Variants in ADAMTS2 observed in about 807,000 individuals in gnomAD.
ADAMTS2 encodes the protein A disintegrin and metalloproteinase with thrombospondin motifs 2.
A neutral mutation model predicts 123.0 loss-of-function variants in ADAMTS2; 50 were observed. That is an observed-to-expected ratio of 0.41 (90% confidence interval 0.32 to 0.51). The LOEUF (loss-of-function observed/expected upper bound fraction) is 0.51, where lower values mean the gene tolerates loss of function less well. Ranked by LOEUF, ADAMTS2 falls within the 20% of genes least tolerant of loss-of-function variation. ADAMTS2 has a pLI of 0.35. For missense variants in ADAMTS2, 1,494 were observed against 1,705.2 expected (o/e 0.88, Z 2.18); for synonymous variants, 678 against 695.4 (o/e 0.98, Z 0.39).
chr5:179,221,521 G>A (rs962508400), intron 3 of ADAMTS2, among the ~76,000 whole-genome samples: 6 of 152,154 alleles, frequency 3.9e-5, no homozygotes, highest in Non-Finnish European at 7.4e-5. Flanking sequence ...AGGAGTGACC[G>A]AGGACAACCC....
rs552186244 is a variant in ADAMTS2 at position 179,254,603 on chromosome 5, CG to C, written c.688+18307del. On this transcript the variant is annotated intron_variant, in intron 3 of 21. Transcript: ENST00000251582. Reference sequence around the variant, plus strand: ...CAGAAGAGGCCCAGATGGGTGAAGTCGGGGGGGCGTGCAGATTAAGCCCACA... The same window carrying C: ...CAGAAGAGGCCCAGATGGGTGAAGTCGGGGGGCGTGCAGATTAAGCCCACA... 2.8e-3 allele frequency among the ~76,000 whole-genome samples: 428 copies of C among 152,114 alleles called. 2 individuals carry two copies. The highest frequency in any genetic ancestry group is 9.4e-3 in the African/African-American group (391 of 41,494).
intron 18 of ADAMTS2, among the ~76,000 whole-genome samples, chr5:179,125,678 G>T (rs1311951632): frequency 1.3e-5 from 2 of 152,236 alleles, no homozygotes; most frequent in African/African-American, 4.8e-5. Flanking sequence ...CCCAGGGCCT[G>T]AACGTCAAAG....
chr5:179,287,521 G>T (rs1036331629), intron 2 of ADAMTS2, among the ~76,000 whole-genome samples: 1 of 152,214 alleles, frequency 6.6e-6, no homozygotes, highest in Admixed American at 6.5e-5. Context: ...TAAGGCTCCC[G>T]TGTGGGGGCA....
chr5:179,207,012 T>C (rs564063043), intron 4 of ADAMTS2, among the ~76,000 whole-genome samples: 3 of 152,312 alleles, frequency 2.0e-5, no homozygotes, highest in East Asian at 3.9e-4. Context: ...CTCGCTCTAA[T>C]GCACGTGAAT....
intron 2 of ADAMTS2, among the ~76,000 whole-genome samples, chr5:179,320,518 C>G (rs1757138940): frequency 6.7e-6 from 1 of 150,160 alleles, no homozygotes; most frequent in South Asian, 2.1e-4. Context: ...CGAGGTTTCA[C>G]CATTTTAGCC....
chr5:179,150,106 T>C (rs1005712773), intron 10 of ADAMTS2, among the ~76,000 whole-genome samples: 30 of 144,610 alleles, frequency 2.1e-4, no homozygotes, highest in African/African-American at 7.4e-4. Flanking sequence ...CACACACACA[T>C]ATGGGGGCCC....
chr5:179,125,538 T>A (rs1762838951), intron 18 of ADAMTS2, among the ~76,000 whole-genome samples: 1 of 152,094 alleles, frequency 6.6e-6, no homozygotes, highest in African/African-American at 2.4e-5. Flanking sequence ...ACGTCACAAA[T>A]CCTTCTCGGC....
chr5:179,315,975 C>G (rs1399235029), intron 2 of ADAMTS2, among the ~76,000 whole-genome samples: 1 of 152,152 alleles, frequency 6.6e-6, no homozygotes, highest in Non-Finnish European at 1.5e-5. Flanking sequence ...ATGAAAGATT[C>G]CAGCATGGAT....
intron 2 of ADAMTS2, among the ~76,000 whole-genome samples, chr5:179,311,059 G>A (rs1265768161): frequency 1.4e-5 from 2 of 145,884 alleles, no homozygotes; most frequent in Non-Finnish European, 3.0e-5. Flanking sequence ...CCCACCGAGT[G>A]CAGGGCCCGT....
chr5:179,191,722 G>A (rs1317405647), intron 4 of ADAMTS2, among the ~76,000 whole-genome samples: 1 of 152,152 alleles, frequency 6.6e-6, no homozygotes, highest in East Asian at 1.9e-4. Flanking sequence ...GTGAGATGCA[G>A]ATAGTCCCCG....
chr5:179,257,084 G>C (rs558876473), intron 3 of ADAMTS2, among the ~76,000 whole-genome samples: 2 of 152,176 alleles, frequency 1.3e-5, no homozygotes, highest in Non-Finnish European at 2.9e-5. Context: ...CCTGGTCCCC[G>C]GGGTCTCTGT....
chr5:179,150,077 C>G (rs1763325417), intron 10 of ADAMTS2, among the ~76,000 whole-genome samples: 1 of 152,224 alleles, frequency 6.6e-6, no homozygotes, highest in African/African-American at 2.4e-5. Flanking sequence ...GGGCAATCAG[C>G]TGGGGTGCAG....
chr5:179,135,869 T>C (rs908355406), intron 13 of ADAMTS2, 40 bp downstream of exon 13: 2 of 1,612,024 alleles, frequency 1.2e-6, no homozygotes, highest in African/African-American at 2.7e-5. Context: ...AAGCTGAGAC[T>C]TGACACGGTA....
intron 2 of ADAMTS2, among the ~76,000 whole-genome samples, chr5:179,300,793 A>G (rs1756493824): frequency 6.6e-6 from 1 of 152,254 alleles, no homozygotes; most frequent in African/African-American, 2.4e-5. Flanking sequence ...ATTTTATTTA[A>G]GAGTCTTCAT....
intron 3 of ADAMTS2, among the ~76,000 whole-genome samples, chr5:179,240,456 C>G (rs1765637947): frequency 6.6e-6 from 1 of 152,158 alleles, no homozygotes; most frequent in African/African-American, 2.4e-5. Context: ...GACAAGGCGG[C>G]AGCATCAATG....
rs146295427 is a variant in ADAMTS2, at chr5:179,189,510, GT to G, written c.892-8356del. ...CTACAGGCGCCCGCCAGTGCGCCTGGTTTTTTTTTTTTTTTTTTTTTTTTTT... is the reference window on the plus strand; with the variant it reads ...CTACAGGCGCCCGCCAGTGCGCCTGGTTTTTTTTTTTTTTTTTTTTTTTTT... On this transcript the variant is annotated intron_variant, in intron 4 of 21. Coordinates refer to ENST00000251582, the MANE Select transcript of ADAMTS2 (RefSeq NM_014244.5). The surrounding 1 kb of genome is among the most constrained non-coding windows in gnomAD (Gnocchi z 4.2). Among the ~76,000 whole-genome samples the G allele has an allele frequency of 5.1e-4, 40 of 78,946 alleles. No homozygotes were observed. Among genetic ancestry groups the G allele is most frequent in the East Asian group, 7.5e-4 (2 of 2,664 alleles). 51.8% of individuals were successfully genotyped at this position (78,946 alleles called of 152,430 possible). A position where few individuals can be genotyped will look rare whatever the true frequency, so the allele number is the denominator to read the frequency against.
Position 179,225,953 on chromosome 5 carries a change from A to G in ADAMTS2, c.689-18238T>C, listed in dbSNP as rs1226767828. Among the ~76,000 whole-genome samples, 1 of 152,200 alleles carries G rather than the reference A, an allele frequency of 6.6e-6. No individual in the cohort carries two copies. The highest frequency in any genetic ancestry group is 2.4e-5 in the African/African-American group (1 of 41,442). On this transcript the variant is annotated intron_variant, in intron 3 of 21. Transcript: ENST00000251582. The surrounding 1 kb of genome is among the most constrained non-coding windows in gnomAD (Gnocchi z 4.5). Reference sequence around the variant, plus strand: ...ACAGACAGCTAAAGTAAAAGAGCACATGCAGCACACGCCCACTGGGGCTTC... The same window carrying G: ...ACAGACAGCTAAAGTAAAAGAGCACGTGCAGCACACGCCCACTGGGGCTTC...
At chr5:179,168,164 G>C (rs2113285924) in intron 5 of ADAMTS2, among the ~76,000 whole-genome samples, 1 of 152,296 alleles carries the variant, frequency 6.6e-6, no homozygotes, top group African/African-American at 2.4e-5. Flanking sequence ...TTCATGGCAG[G>C]ATGTTGAGCA....
Position 179,175,188 on chromosome 5 carries a change from G to A in ADAMTS2, c.975+5884C>T, listed in dbSNP as rs1369941465. On this transcript the variant is annotated intron_variant, in intron 5 of 21. Coordinates refer to ENST00000251582, the MANE Select transcript of ADAMTS2 (RefSeq NM_014244.5). The surrounding 1 kb of genome is among the most constrained non-coding windows in gnomAD (Gnocchi z 4.1). The stretch of plus-strand genomic sequence containing the variant: ...GCAGCTGTCTCAGCCATTCTTGACC[G>A]TCCATGTTGCTTTGGAGGAAGTCTC... 6.7e-6 allele frequency among the ~76,000 whole-genome samples: 1 copy of A among 149,532 alleles called. No homozygotes were observed. The highest frequency in any genetic ancestry group is 2.5e-5 in the African/African-American group (1 of 40,422).
Sources: allele counts gnomAD v4.1 joint callset (sites outside exome capture counted in the v4.1 genomes callset), GRCh38; gene constraint gnomAD v4.1.1; non-coding constraint Gnocchi (gnomAD v3.1); transcripts MANE v1.5; gene names NCBI Gene and HGNC (gene_info 2026-07-23, HGNC 2026-07-21).